The following PDE4D variants were observed in gnomAD, a reference collection of about 807,000 sequenced individuals.
The protein encoded by PDE4D is 3',5'-cyclic-AMP phosphodiesterase 4D.
PDE4D carries 24 observed loss-of-function variants against 87.4 expected under a neutral mutation model. That is an observed-to-expected ratio of 0.27 (90% CI 0.20 to 0.39). PDE4D has a LOEUF of 0.39. Ranked by LOEUF, PDE4D falls within the 10% of genes least tolerant of loss-of-function variation. PDE4D has a pLI of 1.00. For missense variants in PDE4D, 714 were observed against 1,041.0 expected (o/e 0.69, Z 4.32); for synonymous variants, 384 against 383.2 (o/e 1.00, Z -0.02).
intron 1 of PDE4D, among the ~76,000 whole-genome samples, chr5:59,782,171 A>ACC (rs1764702408): frequency 6.6e-6 from 1 of 152,196 alleles, no homozygotes; most frequent in Non-Finnish European, 1.5e-5. Flanking sequence ...GACCAACTCT[A>ACC]AAATACTGCT....
chr5:59,197,474 C>G (rs375281270), intron 2 of PDE4D, among the ~76,000 whole-genome samples: 19 of 152,204 alleles, frequency 1.2e-4, no homozygotes, highest in Admixed American at 1.2e-3. Flanking sequence ...CAGGTTATAG[C>G]CTATCCATTT....
intron 1 of PDE4D, among the ~76,000 whole-genome samples, chr5:59,787,283 T>G (rs1243748410): frequency 1.3e-5 from 2 of 152,194 alleles, no homozygotes; most frequent in African/African-American, 4.8e-5. Context: ...GGGAGAATAT[T>G]CTGGAGCTAC....
intron 1 of PDE4D, among the ~76,000 whole-genome samples, chr5:59,419,614 G>T (rs888681760): frequency 6.6e-6 from 1 of 152,204 alleles, no homozygotes; most frequent in Non-Finnish European, 1.5e-5. Flanking sequence ...AGCTGAGCTG[G>T]ATGACATGGT....
At chr5:59,217,436 C>T in intron 1 of PDE4D, 1 of 359,772 alleles carries the variant, frequency 2.8e-6, no homozygotes. Flanking sequence ...TTTCATGGAT[C>T]ACTTTTGAAT....
At chr5:59,970,460 T>C (rs2152817214) in intron 3 of PDE4D, among the ~76,000 whole-genome samples, 1 of 152,306 alleles carries the variant, frequency 6.6e-6, no homozygotes, top group East Asian at 1.9e-4. Context: ...CCTACTCATC[T>C]GACAAAGGGC....
intron 1 of PDE4D, among the ~76,000 whole-genome samples, chr5:60,224,776 C>G (rs1391019159): frequency 6.6e-6 from 1 of 152,074 alleles, no homozygotes; most frequent in Non-Finnish European, 1.5e-5. Context: ...CCAGGCTAGC[C>G]CACATTCAAG....
At chr5:60,134,431 C>T (rs183860126) in intron 2 of PDE4D, among the ~76,000 whole-genome samples, 6 of 152,188 alleles carry the variant, frequency 3.9e-5, no homozygotes, top group African/African-American at 1.2e-4. Flanking sequence ...CTTGAGACTG[C>T]GAGTTTAAGG....
intron 1 of PDE4D, among the ~76,000 whole-genome samples, chr5:59,681,204 G>A (rs72751212): frequency 0.053 from 8,011 of 152,162 alleles, 493 homozygotes; most frequent in Admixed American, 0.19. Context: ...TGATAGTAAC[G>A]TGTTAAAATG....
rs142610469 is a variant in PDE4D, at chr5:60,396,566, A to G, written c.-90+91376T>C. Among the ~76,000 whole-genome samples the G allele has an allele frequency of 6.5e-3, 990 of 152,062 alleles. 10 individuals are homozygous for G. The highest frequency in any genetic ancestry group is 0.022 in the African/African-American group (932 of 41,474). ...GGTCTTGCTCTGTTGTCGAGGCTAG[A>G]GTGCAGTAGTGTGATCATAGTTCAC... On this transcript the variant is annotated intron_variant, in intron 1 of 16. Coordinates refer to the PDE4D transcript ENST00000502484.
At chr5:59,845,066 C>T (rs569580101) in intron 1 of PDE4D, among the ~76,000 whole-genome samples, 6 of 152,046 alleles carry the variant, frequency 3.9e-5, no homozygotes, top group Non-Finnish European at 8.8e-5. Flanking sequence ...CCTAAAACCA[C>T]AGCAACTAAA....
intron 1 of PDE4D, among the ~76,000 whole-genome samples, chr5:59,807,300 C>T (rs911874433): frequency 1.3e-5 from 2 of 152,222 alleles, no homozygotes; most frequent in African/African-American, 4.8e-5. Context: ...GAGCCCCAAA[C>T]CAATGTACTT....
At chr5:60,462,001 T>C (rs539423973) in intron 1 of PDE4D, among the ~76,000 whole-genome samples, 7 of 152,288 alleles carry the variant, frequency 4.6e-5, no homozygotes, top group African/African-American at 1.7e-4. Flanking sequence ...GCAGGATCTC[T>C]GAAAAGCAGG....
intron 11 of PDE4D, among the ~76,000 whole-genome samples, chr5:58,979,844 C>T (rs569689899): frequency 3.3e-5 from 5 of 152,246 alleles, no homozygotes; most frequent in Non-Finnish European, 5.9e-5. Context: ...ATCTTTTAAT[C>T]GTTCCTCCCC....
intron 1 of PDE4D, among the ~76,000 whole-genome samples, chr5:59,255,156 C>T (rs941914175): frequency 3.9e-5 from 6 of 151,946 alleles, no homozygotes; most frequent in South Asian, 2.1e-4. Context: ...AGTGAAACAA[C>T]GCAAGTGTCT....
intron 1 of PDE4D, among the ~76,000 whole-genome samples, chr5:59,219,614 T>C (rs138073460): frequency 6.6e-6 from 1 of 152,186 alleles, no homozygotes; most frequent in Non-Finnish European, 1.5e-5. Context: ...AGTACAGATA[T>C]ACTACACATT....
intron 1 of PDE4D, among the ~76,000 whole-genome samples, chr5:59,374,094 T>C (rs897771290): frequency 1.1e-4 from 16 of 152,112 alleles, no homozygotes; most frequent in African/African-American, 3.6e-4. Flanking sequence ...TACAGACCAA[T>C]GACTCTATAA....
chr5:59,008,315 C>T (rs1259819015), intron 6 of PDE4D, among the ~76,000 whole-genome samples: 1 of 151,950 alleles, frequency 6.6e-6, no homozygotes, highest in Admixed American at 6.6e-5. Context: ...CCCCTCTGTA[C>T]TTCGTGGTAT....
intron 1 of PDE4D, among the ~76,000 whole-genome samples, chr5:59,642,589 T>A (rs187122896): frequency 6.6e-6 from 1 of 152,184 alleles, no homozygotes; most frequent in Non-Finnish European, 1.5e-5. Context: ...CATTTTTTCT[T>A]GCCGCCACCA....
chr5:59,355,422 G>A (rs1781222755), intron 1 of PDE4D, among the ~76,000 whole-genome samples: 1 of 152,132 alleles, frequency 6.6e-6, no homozygotes, highest in South Asian at 2.1e-4. Flanking sequence ...ATCTAGTGAT[G>A]AAGAGAGCCT....
Sources: gnomAD v4.1 joint callset for allele counts (sites outside exome capture counted in the v4.1 genomes callset) on GRCh38, gnomAD v4.1.1 for gene constraint, MANE v1.5 for transcripts, NCBI Gene and HGNC (gene_info 2026-07-23, HGNC 2026-07-21) for gene names.